Variants in PFKP observed in about 807,000 individuals in gnomAD.
PFKP encodes the protein ATP-dependent 6-phosphofructokinase, platelet type.
A neutral mutation model predicts 94.3 loss-of-function variants in PFKP; 101 were observed. The ratio of observed to expected loss-of-function variants is 1.07; its 90% CI spans 0.91 to 1.26. The LOEUF (loss-of-function observed/expected upper bound fraction) is 1.26. Ranked by LOEUF, PFKP falls within the 50% of genes most tolerant of loss-of-function variation. PFKP has a pLI of 0.00. For synonymous variants in PFKP, 573 were observed against 432.6 expected (o/e 1.32, Z -4.03); for missense variants, 1,145 against 1,103.3 (o/e 1.04, Z -0.53).
rs1465328492 is a variant in PFKP, at chr10:3,136,675, CATT to C, written c.*98_*100del. 3.0e-6 allele frequency: 4 copies of C among 1,346,958 alleles called. No individual in the cohort carries two copies. The highest frequency in any genetic ancestry group is 2.9e-5 in the African/African-American group (2 of 69,550). The allele number at this position is 1,346,958 out of a possible 1,614,324, so 83.4% of individuals were successfully genotyped here. On this transcript the variant is annotated 3_prime_UTR_variant, in exon 22 of 22. Transcript: ENST00000381125. ...CAGCACTTTATGCACGTATTATTGA[CATT>C]AATACCTAATCGGCGAGTGCCCATC...
At chr10:3,125,241 G>T in intron 16 of PFKP, 1 of 1,317,966 alleles carries the variant, frequency 7.6e-7, no homozygotes, top group Non-Finnish European at 1.0e-6. Context: ...CCTGAATGCT[G>T]TTGTTGAGGT....
At chr10:3,126,102 C>T (rs571781641) in intron 16 of PFKP, among the ~76,000 whole-genome samples, 2 of 152,350 alleles carry the variant, frequency 1.3e-5, no homozygotes, top group South Asian at 4.1e-4. Flanking sequence ...ACTCCCAGTC[C>T]TGCTGGAGAC....
rs1376842951 is a variant in PFKP at position 3,129,852 on chromosome 10, A to C, written c.1717A>C (p.Thr573Pro). The C allele has an allele frequency of 6.2e-7, 1 of 1,613,636 alleles. No individual in the cohort carries two copies. The highest frequency in any genetic ancestry group is 1.7e-5 in the Admixed American group (1 of 60,012). Residue 573 changes from threonine (T) to proline (P), a missense_variant, in exon 17 of 22, where the codon ACC (threonine) becomes CCC (proline). By Grantham distance (38) the Thr-to-Pro change is conservative. This residue lies in a region of PFKP where 1,119 missense variants were observed against 1,062.8 expected (regional missense o/e 1.05). Coordinates refer to ENST00000381125, the MANE Select transcript of PFKP (RefSeq NM_002627.5). ...CDRIKQSASG[T>P]KRRVFIIETM... ...CCGCATCAAGCAGTCCGCCAGCGGA[A>C]CCAAGCGGCGCGTGTTCATCATCGA...
At position 3,136,474 on chromosome 10, in the gene PFKP, G is replaced by A. The variant is rs764895126; in HGVS notation, c.2250G>A (p.Trp750Ter). 15 of 1,613,678 alleles carry A rather than the reference G, an allele frequency of 9.3e-6. No individual in the cohort carries two copies. The highest frequency in any genetic ancestry group is 1.2e-5 in the Non-Finnish European group (14 of 1,179,738). ...DFEHRIPKEQ[W>*]WLKLRPLMKI... ...GGCACAGGATTCCCAAAGAACAGTG[G>A]TGGCTCAAGCTACGGCCCCTCATGA... The change falls in exon 22 of 22, where the codon TGG becomes TGA. Residue 750 changes from tryptophan (W) to a stop codon, truncating the protein, a stop_gained. Transcript: ENST00000381125. LOFTEE classifies it low-confidence loss of function (END_TRUNC).
intron 8 of PFKP, among the ~76,000 whole-genome samples, chr10:3,108,173 A>G (rs1404310901): frequency 6.6e-6 from 1 of 152,204 alleles, no homozygotes; most frequent in East Asian, 1.9e-4. Flanking sequence ...GAACCAAGGA[A>G]TTTACGTAGC....
intron 18 of PFKP, among the ~76,000 whole-genome samples, chr10:3,132,885 C>T (rs1382299030): frequency 1.4e-5 from 2 of 148,124 alleles, no homozygotes; most frequent in African/African-American, 5.1e-5. Context: ...ATGCAGGGCA[C>T]AGGGATGATT....
rs1835443101 is a variant in PFKP at position 3,105,455 on chromosome 10, C to T, written c.728C>T (p.Pro243Leu). The change falls in exon 7 of 22, where the codon CCA (proline) becomes CTA (leucine). Residue 243 changes from proline to leucine, a missense_variant. Physicochemically the swap from Pro to Leu is moderately conservative, Grantham distance 98. Transcript: ENST00000381125. Reference sequence around the variant, plus strand: ...GACTGGGTGTTCCTTCCAGAATCTCCACCAGAGGAAGGCTGGGAGGAGCAG... The same window carrying T: ...GACTGGGTGTTCCTTCCAGAATCTCTACCAGAGGAAGGCTGGGAGGAGCAG... ...GADWVFLPES[P>L]PEEGWEEQMC... 1 of 1,613,980 alleles carries T rather than the reference C, an allele frequency of 6.2e-7. No homozygotes were observed. The highest frequency in any genetic ancestry group is 8.5e-7 in the Non-Finnish European group (1 of 1,179,960).
At chr10:3,107,348 C>T (rs1331424266) in intron 8 of PFKP, 39 bp downstream of exon 8, 51 of 1,311,514 alleles carry the variant, frequency 3.9e-5, no homozygotes, top group Non-Finnish European at 5.6e-5. Context: ...TCGGTTTCTG[C>T]CTGGAAGCAG....
intron 1 of PFKP, among the ~76,000 whole-genome samples, chr10:3,078,852 C>T (rs942101775): frequency 2.0e-5 from 3 of 152,148 alleles, no homozygotes; most frequent in Non-Finnish European, 4.4e-5. Flanking sequence ...TCCCTGAGCT[C>T]AAGGAGGACA....
intron 2 of PFKP, among the ~76,000 whole-genome samples, chr10:3,095,602 G>A (rs1012571940): frequency 6.6e-6 from 1 of 152,198 alleles, no homozygotes; most frequent in Non-Finnish European, 1.5e-5. Flanking sequence ...TTTTTCCTAT[G>A]TGAGTCATAA....
chr10:3,103,989 G>A (rs1262608392), intron 5 of PFKP, 45 bp downstream of exon 5: 19 of 1,574,840 alleles, frequency 1.2e-5, no homozygotes, highest in South Asian at 7.9e-5. Flanking sequence ...GGGGCCCGAC[G>A]TGTGCCCAGC....
intron 1 of PFKP, among the ~76,000 whole-genome samples, chr10:3,071,079 A>G (rs76914228): frequency 0.039 from 5,916 of 151,620 alleles, 180 homozygotes; most frequent in Non-Finnish European, 0.056. Context: ...TTTTTCAGGG[A>G]CCTTTCTTGG....
chr10:3,101,138 C>T (rs1319689292), intron 3 of PFKP: 3 of 777,162 alleles, frequency 3.9e-6, no homozygotes, highest in Non-Finnish European at 6.4e-6. Context: ...GCTCTGCACC[C>T]TCCCTGGCTC....
Position 3,068,777 on chromosome 10 carries a change from G to A in PFKP, c.112+1070G>A. 7.3e-6 allele frequency: 6 copies of A among 820,342 alleles called. No individual in the cohort carries two copies. In the South Asian group the frequency reaches 3.3e-4, roughly 46 times the overall value. 50.8% of individuals were successfully genotyped at this position (820,342 alleles called of 1,614,324 possible). On this transcript the variant is annotated intron_variant, in intron 1 of 21. Transcript: ENST00000381125. The stretch of plus-strand genomic sequence containing the variant: ...CGCTTCCCAGGCGAACGCAACCTGG[G>A]AGCCTTAGCGATCGCGCAGGCTGGA...
chr10:3,101,494 A>G lies in PFKP; in HGVS notation c.394A>G (p.Thr132Ala). 1 of 1,597,084 alleles carries G rather than the reference A, an allele frequency of 6.3e-7. No homozygotes were observed. Among genetic ancestry groups the G allele is most frequent in the Non-Finnish European group, 8.5e-7 (1 of 1,171,104 alleles). The change falls in exon 4 of 22, where the codon ACC becomes GCC. Residue 132 changes from threonine to alanine, a missense_variant. By Grantham distance (58) the Thr-to-Ala change is moderately conservative (BLOSUM62 0). Around this residue, in one of 3 missense-constraint regions of PFKP, gnomAD observed 1,119 missense variants for 1,062.8 expected, o/e 1.05. Transcript: ENST00000381125. The stretch of plus-strand genomic sequence containing the variant: ...TGTGATCGGCGGGGACGGGAGCCTC[A>G]CCGGGGCCAACCTCTTCCGGAAGGA... ...LCVIGGDGSL[T>A]GANLFRKEWS...
chr10:3,120,022 C>T lies in PFKP; in HGVS notation c.1661C>T (p.Thr554Ile). The T allele has an allele frequency of 1.2e-6, 2 of 1,614,130 alleles. No individual in the cohort carries two copies. The highest frequency in any genetic ancestry group is 1.7e-6 in the Non-Finnish European group (2 of 1,180,016). ...PGSDFSIGADTALNTITDTCD... is the reference protein window; with the variant it reads ...PGSDFSIGADIALNTITDTCD... ...TCCGATTTCAGCATCGGGGCAGACA[C>T]CGCCCTGAACACTATCACCGACGTA... The change falls in exon 16 of 22, where the codon ACC (threonine) becomes ATC (isoleucine). Residue 554 changes from threonine (T) to isoleucine (I), a missense_variant. Transcript: ENST00000381125.
rs1835707194 is a variant in PFKP at position 3,107,083 on chromosome 10, TA to T, written c.775-130del. 16 of 620,468 alleles carry T rather than the reference TA, an allele frequency of 2.6e-5. No homozygotes were observed. In the Admixed American group the frequency reaches 4.0e-4, roughly 16 times the overall value. The allele number at this position is 620,468 out of a possible 1,614,324, so 38.4% of individuals were successfully genotyped here. A position where few individuals can be genotyped will look rare whatever the true frequency, so the allele number is the denominator to read the frequency against. On this transcript the variant is annotated intron_variant, in intron 7 of 21. Transcript: ENST00000381125. ...TCTGATGTCATTGGGAAGCAGCTCT[TA>T]GGAAGTTAGGCAAAGATTCCTGCCC...
At chr10:3,074,395 AGTG>A (rs1564258900) in intron 1 of PFKP, among the ~76,000 whole-genome samples, 1 of 152,128 alleles carries the variant, frequency 6.6e-6, no homozygotes, top group Non-Finnish European at 1.5e-5. Context: ...AGAGTGGCCC[AGTG>A]GAGGACTTTG....
At chr10:3,117,585 C>G (rs7915264) in intron 14 of PFKP, among the ~76,000 whole-genome samples, 29,696 of 152,184 alleles carry the variant, frequency 0.2, 3,018 homozygotes, top group South Asian at 0.23. Context: ...CCCTGGTACT[C>G]CCAGCCACTG....
Sources: allele counts gnomAD v4.1 joint callset (sites outside exome capture counted in the v4.1 genomes callset), GRCh38; gene constraint gnomAD v4.1.1; regional missense constraint gnomAD v4.1.1; transcripts MANE v1.5; gene names NCBI Gene and HGNC (gene_info 2026-07-23, HGNC 2026-07-21).